ZNF503: variants seen among roughly 807,000 people sequenced by gnomAD.
ZNF503 encodes the protein zinc finger protein 503.
A neutral mutation model predicts 34.4 loss-of-function variants in ZNF503; 15 were observed. The observed-to-expected ratio is 0.44, with a 90% confidence interval of 0.29 to 0.67. The LOEUF (loss-of-function observed/expected upper bound fraction) is 0.67. ZNF503 is among the 30% of genes least tolerant of loss of function. The pLI is 0.13. For missense variants in ZNF503, 1,007 were observed against 926.8 expected (o/e 1.09, Z -1.12); for synonymous variants, 580 against 456.8 (o/e 1.27, Z -3.44).
the ZNF503 span, among the ~76,000 whole-genome samples, chr10:75,307,814 C>A: frequency 6.6e-6 from 1 of 152,178 alleles, no homozygotes; most frequent in Admixed American, 6.6e-5. Flanking sequence ...ATGGTGGGAC[C>A]ATGCCTATAA....
chr10:75,339,682 A>G, the ZNF503 span, among the ~76,000 whole-genome samples: 1 of 152,164 alleles, frequency 6.6e-6, no homozygotes, highest in Non-Finnish European at 1.5e-5. Context: ...GTGATGCCCC[A>G]AGGAGGCGGA....
At chr10:75,401,826 T>C (rs552148046), upstream of ZNF503, 93 of 203,570 alleles carry the variant, frequency 4.6e-4, no homozygotes, top group Middle Eastern at 9.7e-3. Flanking sequence ...TTTGCCGCCT[T>C]CCAATCAAAT....
the ZNF503 span, among the ~76,000 whole-genome samples, chr10:75,344,251 C>T: frequency 6.6e-6 from 1 of 152,176 alleles, no homozygotes; most frequent in Non-Finnish European, 1.5e-5. Flanking sequence ...GCCCTGGGGC[C>T]GTGTGGCGTG....
the ZNF503 span, among the ~76,000 whole-genome samples, chr10:75,296,807 T>TA: frequency 6.6e-6 from 1 of 151,736 alleles, no homozygotes; most frequent in Admixed American, 6.6e-5. Flanking sequence ...GAGAGAGACA[T>TA]ACAGGAGAGG....
chr10:75,308,483 G>A, the ZNF503 span, among the ~76,000 whole-genome samples: 1 of 152,142 alleles, frequency 6.6e-6, no homozygotes, highest in African/African-American at 2.4e-5. Flanking sequence ...TAATAGTCAA[G>A]AAATACATTT....
chr10:75,398,852 G>C lies in ZNF503; in HGVS notation c.1838C>G (p.Pro613Arg). The C allele has an allele frequency of 6.6e-7, 1 of 1,509,444 alleles. No individual in the cohort carries two copies. The allele number at this position is 1,509,444 out of a possible 1,614,324, so 93.5% of individuals were successfully genotyped here. ...HPYSKSPLPT[P>R]GAPVPVPAAT... is the part of the protein sequence containing the mutation. ...GGCGGGCACCGGCACGGGGGCGCCAGGCGTGGGAAGCGGGCTCTTGGAGTA... is the reference window on the plus strand; with the variant it reads ...GGCGGGCACCGGCACGGGGGCGCCACGCGTGGGAAGCGGGCTCTTGGAGTA... The change falls in exon 2 of 2, where the codon CCT becomes CGT. Residue 613 changes from proline (P) to arginine (R), a missense_variant. Coordinates refer to ENST00000372524, the MANE Select transcript of ZNF503 (RefSeq NM_032772.6).
chr10:75,310,708 C>G, the ZNF503 span, among the ~76,000 whole-genome samples: 1 of 152,170 alleles, frequency 6.6e-6, no homozygotes, highest in African/African-American at 2.4e-5. Context: ...ATGTGAGAAG[C>G]TGGAAGTCCC....
chr10:75,398,119 T>A lies in ZNF503; in HGVS notation c.*630A>T, dbSNP rs929266984. 9.2e-5 allele frequency: 14 copies of A among 152,280 alleles called. No homozygotes were observed. The highest frequency in any genetic ancestry group is 2.1e-4 in the Non-Finnish European group (14 of 68,024). 9.4% of individuals were successfully genotyped at this position (152,280 alleles called of 1,614,324 possible). On this transcript the variant is annotated 3_prime_UTR_variant, in exon 2 of 2. Transcript: ENST00000372524. Reference sequence around the variant, plus strand: ...CCTTAAAAATAATTGCAATTTGAAATCAGAGCTGACAAATTGTGACTTTTT... The same window carrying A: ...CCTTAAAAATAATTGCAATTTGAAAACAGAGCTGACAAATTGTGACTTTTT...
chr10:75,387,342 C>G, the ZNF503 span, among the ~76,000 whole-genome samples: 1 of 152,182 alleles, frequency 6.6e-6, no homozygotes, highest in Non-Finnish European at 1.5e-5. Context: ...AATTTCAGCC[C>G]CACCACTTTT....
chr10:75,341,244 A>C, the ZNF503 span, among the ~76,000 whole-genome samples: 1 of 152,260 alleles, frequency 6.6e-6, no homozygotes, highest in Non-Finnish European at 1.5e-5. Context: ...CTGCCCCTCT[A>C]GAACAGTTTG....
the ZNF503 span, among the ~76,000 whole-genome samples, chr10:75,286,086 C>G: frequency 2.0e-5 from 3 of 152,058 alleles, no homozygotes; most frequent in African/African-American, 7.2e-5. Context: ...AGTTCAAGAC[C>G]AGCCCGGCCA....
At chr10:75,320,506 A>C in the ZNF503 span, among the ~76,000 whole-genome samples, 1 of 147,882 alleles carries the variant, frequency 6.8e-6, no homozygotes, top group African/African-American at 2.5e-5. Context: ...TAAAAATAAA[A>C]AATTAGCAAA....
chr10:75,352,128 C>T, the ZNF503 span, among the ~76,000 whole-genome samples: 2 of 152,190 alleles, frequency 1.3e-5, no homozygotes, highest in African/African-American at 2.4e-5. Context: ...TTGTCACTAA[C>T]CCATCTTCCC....
At chr10:75,361,910 C>A in the ZNF503 span, among the ~76,000 whole-genome samples, 5 of 152,120 alleles carry the variant, frequency 3.3e-5, no homozygotes, top group Non-Finnish European at 7.3e-5. Context: ...AAGAGCCCCT[C>A]TGACTTTAAA....
chr10:75,372,535 T>C, the ZNF503 span, among the ~76,000 whole-genome samples: 4 of 152,356 alleles, frequency 2.6e-5, no homozygotes, highest in South Asian at 8.3e-4. Context: ...AATGAACGAC[T>C]GTACCCCTAG....
rs1843742702 is a variant in ZNF503 at position 75,399,025 on chromosome 10, G to A, written c.1665C>T (p.Tyr555=). The change falls in exon 2 of 2, where the codon TAC becomes TAT. Residue 555 remains tyrosine (Y), a synonymous_variant. Transcript: ENST00000372524. ...FPGTDKLLSG[Y]PSSSSLASAA... The stretch of plus-strand genomic sequence containing the variant: ...CGCTGGCCAGAGACGACGAGCTGGG[G>A]TAGCCCGACAGCAGTTTGTCTGTCC... 1 of 1,610,728 alleles carries A rather than the reference G, an allele frequency of 6.2e-7. No individual in the cohort carries two copies. Among genetic ancestry groups the A allele is most frequent in the African/African-American group, 1.3e-5 (1 of 74,924 alleles).
the ZNF503 span, among the ~76,000 whole-genome samples, chr10:75,376,174 G>C: frequency 6.6e-6 from 1 of 152,148 alleles, no homozygotes; most frequent in Non-Finnish European, 1.5e-5. Flanking sequence ...TCAGAGATGT[G>C]GAAGTCCCAC....
the ZNF503 span, among the ~76,000 whole-genome samples, chr10:75,281,435 T>C: frequency 6.6e-6 from 1 of 152,108 alleles, no homozygotes. Context: ...TGCCGCCTGG[T>C]TCCTGCCTGC....
chr10:75,288,773 A>C, the ZNF503 span: 1 of 152,238 alleles, frequency 6.6e-6, no homozygotes, highest in South Asian at 2.1e-4. Flanking sequence ...TGACACTTTG[A>C]ATTCATGGGT....
Sources: gnomAD v4.1 joint callset for allele counts (sites outside exome capture counted in the v4.1 genomes callset) on GRCh38, gnomAD v4.1.1 for gene constraint, MANE v1.5 for transcripts, NCBI Gene and HGNC (gene_info 2026-07-23, HGNC 2026-07-21) for gene names.